Variants in AFDN observed in about 807,000 individuals in gnomAD.
The protein encoded by AFDN is afadin, adherens junction formation factor.
A neutral mutation model predicts 216.6 loss-of-function variants in AFDN; 68 were observed. The ratio of observed to expected loss-of-function variants is 0.31; its 90% CI spans 0.26 to 0.38. The LOEUF (loss-of-function observed/expected upper bound fraction) is 0.38. Ranked by LOEUF, AFDN falls within the 10% of genes least tolerant of loss-of-function variation. The pLI is 1.00. For synonymous variants in AFDN, 868 were observed against 853.7 expected, an observed-to-expected ratio of 1.02 and a Z score of -0.29; for missense variants, 2,136 against 2,342.0, an observed-to-expected ratio of 0.91 and a Z score of 1.82.
chr6:167,949,930 T>TG (rs1291574769), intron 29 of AFDN, among the ~76,000 whole-genome samples: 1 of 152,024 alleles, frequency 6.6e-6, no homozygotes, highest in Non-Finnish European at 1.5e-5. Context: ...AAAGTTATGA[T>TG]GGGGTTTAAG....
chr6:167,876,489 A>G lies in AFDN; in HGVS notation c.739+994A>G, dbSNP rs189322117. Among the ~76,000 whole-genome samples the G allele has an allele frequency of 2.0e-3, 307 of 152,342 alleles. 1 individual carries two copies. Among genetic ancestry groups the G allele is most frequent in the African/African-American group, 6.8e-3 (282 of 41,592 alleles). On this transcript the variant is annotated intron_variant, in intron 5 of 33. Coordinates refer to ENST00000683244, the MANE Select transcript of AFDN (RefSeq NM_001386888.1). ...AATACAAAGAAGAACAGTAGTAAAA[A>G]TTTTTTAAAAGACAAGAGGAATGCT...
rs1390201712 is a variant in AFDN, at chr6:167,874,777, G to A, written c.579-558G>A. On this transcript the variant is annotated intron_variant, in intron 4 of 33. Coordinates refer to ENST00000683244, the MANE Select transcript of AFDN (RefSeq NM_001386888.1). The stretch of plus-strand genomic sequence containing the variant: ...ATTACAGGCATTTGCCACCACGCTC[G>A]GCTAATTTTGTATTTTTAGTAGAGA... Among the ~76,000 whole-genome samples, 5 of 151,772 alleles carry A rather than the reference G, an allele frequency of 3.3e-5. No individual in the cohort carries two copies. The East Asian group carries it at 9.7e-4, about 29-fold the overall frequency.
chr6:167,905,957 T>C (rs1455950891), intron 12 of AFDN, among the ~76,000 whole-genome samples: 1 of 152,098 alleles, frequency 6.6e-6, no homozygotes, highest in African/African-American at 2.4e-5. Context: ...TGCAAAAAAT[T>C]AGCCGGGCGT....
chr6:167,916,224 C>G (rs1289859635), intron 19 of AFDN, among the ~76,000 whole-genome samples: 2 of 152,172 alleles, frequency 1.3e-5, no homozygotes, highest in African/African-American at 4.8e-5. Flanking sequence ...TCCTTGTTTG[C>G]CTGTCTGTGT....
chr6:167,891,081 C>A, intron 8 of AFDN, 52 bp downstream of exon 8: 3 of 1,405,984 alleles, frequency 2.1e-6, no homozygotes, highest in Non-Finnish European at 2.8e-6. Flanking sequence ...TTTTTAGCTT[C>A]AAATCTTTGT....
chr6:167,912,965 G>A (rs1790593650), intron 15 of AFDN, among the ~76,000 whole-genome samples: 1 of 151,894 alleles, frequency 6.6e-6, no homozygotes, highest in South Asian at 2.1e-4. Flanking sequence ...TTGTTTCTTG[G>A]TCTTTCCTGT....
At position 167,971,145 on chromosome 6, in the gene AFDN, A is replaced by G; in HGVS notation, c.*1210A>G. 1 of 221,962 alleles carries G rather than the reference A, an allele frequency of 4.5e-6. No homozygotes were observed. Among genetic ancestry groups the G allele is most frequent in the African/African-American group, 2.2e-5 (1 of 44,818 alleles). 13.7% of individuals were successfully genotyped at this position (221,962 alleles called of 1,614,324 possible). On this transcript the variant is annotated 3_prime_UTR_variant, in exon 34 of 34. Transcript: ENST00000683244. ...TAAATTACTTTGTGATTACAAGCAA[A>G]TTTTCTATTTGACAAAGCCCTTGGT... is the stretch of plus-strand genomic sequence containing the variant.
rs1323103308 is a variant in AFDN, at chr6:167,880,474, A to G, written c.854A>G (p.Tyr285Cys). 3 of 1,613,882 alleles carry G rather than the reference A, an allele frequency of 1.9e-6. No homozygotes were observed. Among genetic ancestry groups the G allele is most frequent in the East Asian group, 2.2e-5 (1 of 44,848 alleles). Residue 285 changes from tyrosine to cysteine, a missense_variant, in exon 6 of 34, where the codon TAT becomes TGT. Coordinates refer to ENST00000683244, the MANE Select transcript of AFDN (RefSeq NM_001386888.1). ...GCTGTGGCTGAAGCTTTAGAGAAGTATGGTCTGGAAAAAGAAAACCCTAAG... is the reference window on the plus strand; with the variant it reads ...GCTGTGGCTGAAGCTTTAGAGAAGTGTGGTCTGGAAAAAGAAAACCCTAAG... Reference protein sequence around the residue: ...DFAVAEALEKYGLEKENPKDY... With the variant: ...DFAVAEALEKCGLEKENPKDY...
chr6:167,833,286 A>G (rs1292311165), intron 1 of AFDN, among the ~76,000 whole-genome samples: 1 of 152,196 alleles, frequency 6.6e-6, no homozygotes, highest in African/African-American at 2.4e-5. Context: ...CAAATTAGGA[A>G]GTCGTGCCTT....
rs776146036 is a variant in AFDN, at chr6:167,907,244, T to C, written c.1724T>C (p.Met575Thr). Residue 575 changes from methionine to threonine, a missense_variant, in exon 13 of 34, where the codon ATG becomes ACG. Around this residue, in one of 8 missense-constraint regions of AFDN, gnomAD observed 817 missense variants for 965.7 expected, o/e 0.85. Transcript: ENST00000683244. Reference protein sequence around the residue: ...STAERGMVKPMIRVEQQPDYR... With the variant: ...STAERGMVKPTIRVEQQPDYR... ...GCCGAGCGGGGAATGGTGAAGCCGA[T>C]GATCAGAGTAGAACAGCAGCCAGAT... The C allele has an allele frequency of 1.2e-6, 2 of 1,614,144 alleles. No individual in the cohort carries two copies. The highest frequency in any genetic ancestry group is 2.2e-5 in the East Asian group (1 of 44,878).
chr6:167,869,422 GTCAC>G (rs1212030584), intron 2 of AFDN, among the ~76,000 whole-genome samples: 2 of 152,170 alleles, frequency 1.3e-5, no homozygotes, highest in Non-Finnish European at 2.9e-5. Context: ...ATTTGGGTAG[GTCAC>G]TCAATACCTG....
Position 167,948,426 on chromosome 6 carries a change from A to C in AFDN, c.3779A>C (p.Glu1260Ala). 1 of 1,614,208 alleles carries C rather than the reference A, an allele frequency of 6.2e-7. No individual in the cohort carries two copies. Among genetic ancestry groups the C allele is most frequent in the Non-Finnish European group, 8.5e-7 (1 of 1,180,040 alleles). The change falls in exon 29 of 34, where the codon GAG (glutamate) becomes GCG (alanine). Residue 1260 changes from glutamate (E) to alanine (A), a missense_variant. By Grantham distance (107) the Glu-to-Ala change is moderately radical. Around this residue, in one of 8 missense-constraint regions of AFDN, gnomAD observed 981 missense variants for 966.0 expected, o/e 1.02. Transcript: ENST00000683244. ...CCTCAGAACCAGTGGCCAAATTATGAGGAAAAGCCACATATGCACACAGAT... is the reference window on the plus strand; with the variant it reads ...CCTCAGAACCAGTGGCCAAATTATGCGGAAAAGCCACATATGCACACAGAT... ...APPQNQWPNY[E>A]EKPHMHTDSN...
rs143720694 is a variant in AFDN at position 167,882,593 on chromosome 6, C to A, written c.897+2076C>A. 5.9e-3 allele frequency among the ~76,000 whole-genome samples: 896 copies of A among 152,168 alleles called. 18 individuals carry two copies. Among genetic ancestry groups the A allele is most frequent in the African/African-American group, 0.021 (864 of 41,516 alleles). Reference sequence around the variant, plus strand: ...TTGAACCCGGGAGGTTGCAGTGAGCCTTGATCTCGCCATTGCATTCCAGCC... The same window carrying A: ...TTGAACCCGGGAGGTTGCAGTGAGCATTGATCTCGCCATTGCATTCCAGCC... On this transcript the variant is annotated intron_variant, in intron 6 of 33. Coordinates refer to ENST00000683244, the MANE Select transcript of AFDN (RefSeq NM_001386888.1).
chr6:167,846,962 T>C (rs1433055255), intron 1 of AFDN, among the ~76,000 whole-genome samples: 1 of 138,246 alleles, frequency 7.2e-6, no homozygotes, highest in Non-Finnish European at 1.6e-5. Flanking sequence ...CTGTCATCTG[T>C]ACAATAAAAA....
rs536889511 is a variant in AFDN at position 167,965,995 on chromosome 6, A to C, written c.5207A>C (p.Lys1736Thr). 1 of 1,550,782 alleles carries C rather than the reference A, an allele frequency of 6.4e-7. No homozygotes were observed. Among genetic ancestry groups the C allele is most frequent in the Non-Finnish European group, 8.7e-7 (1 of 1,146,976 alleles). ...VLSPDSLFTA[K>T]FVAYNEEEEE... Reference sequence around the variant, plus strand: ...TCCCCCGACTCGCTGTTCACTGCCAAGTTTGTTGCATACAATGAGGAGGAG... The same window carrying C: ...TCCCCCGACTCGCTGTTCACTGCCACGTTTGTTGCATACAATGAGGAGGAG... Residue 1736 changes from lysine (K) to threonine (T), a missense_variant, in exon 32 of 34, where the codon AAG becomes ACG. Lys to Thr is a moderately conservative substitution (Grantham distance 78, BLOSUM62 -1). Transcript: ENST00000683244.
At chr6:167,886,377 A>G (rs1172969052) in intron 6 of AFDN, among the ~76,000 whole-genome samples, 2 of 152,204 alleles carry the variant, frequency 1.3e-5, no homozygotes, top group Non-Finnish European at 2.9e-5. Context: ...AGTGTCATGA[A>G]CTAGAGTTCT....
chr6:167,927,013 A>G (rs980057359), intron 23 of AFDN, among the ~76,000 whole-genome samples: 2 of 152,238 alleles, frequency 1.3e-5, no homozygotes, highest in African/African-American at 4.8e-5. Context: ...AAAATAACAC[A>G]TTACCAGCTA....
At chr6:167,920,563 A>G (rs1369404630) in intron 21 of AFDN, among the ~76,000 whole-genome samples, 1 of 151,884 alleles carries the variant, frequency 6.6e-6, no homozygotes, top group Non-Finnish European at 1.5e-5. Context: ...TTTTCATTGT[A>G]TTCTATTGTT....
Position 167,927,114 on chromosome 6 carries a change from G to T in AFDN, c.3099+2023G>T, listed in dbSNP as rs1214187705. Among the ~76,000 whole-genome samples the T allele has an allele frequency of 2.6e-5, 4 of 152,244 alleles. No individual in the cohort carries two copies. The East Asian group carries it at 5.8e-4, about 22-fold the overall frequency. Reference sequence around the variant, plus strand: ...AACACAAATGCCTACGAAACAATATGTGATTAAGATCTAGTACAAGTACCA... The same window carrying T: ...AACACAAATGCCTACGAAACAATATTTGATTAAGATCTAGTACAAGTACCA... On this transcript the variant is annotated intron_variant, in intron 23 of 33. Coordinates refer to ENST00000683244, the MANE Select transcript of AFDN (RefSeq NM_001386888.1).
Sources: allele counts gnomAD v4.1 joint callset (sites outside exome capture counted in the v4.1 genomes callset), GRCh38; gene constraint gnomAD v4.1.1; regional missense constraint gnomAD v4.1.1; transcripts MANE v1.5; gene names NCBI Gene and HGNC (gene_info 2026-07-23, HGNC 2026-07-21).